Variants in DSCAML1 observed in about 807,000 individuals in gnomAD.
The protein encoded by DSCAML1 is DS cell adhesion molecule like 1.
DSCAML1 carries 38 observed loss-of-function variants against 200.5 expected under a neutral mutation model. That is an observed-to-expected ratio of 0.19 (90% CI 0.15 to 0.25). The LOEUF is 0.25. Among genes scored for constraint, DSCAML1 ranks in the 10% least tolerant of loss-of-function variants. The pLI is 1.00. For synonymous variants in DSCAML1, 1,215 were observed against 1,165.0 expected, an observed-to-expected ratio of 1.04 and a Z score of -0.87; for missense variants, 2,223 against 2,858.8, an observed-to-expected ratio of 0.78 and a Z score of 5.07.
Position 117,521,333 on chromosome 11 carries a change from G to A in DSCAML1, c.1010C>T (p.Ala337Val), listed in dbSNP as rs758308762. The part of the protein sequence containing the change: ...GIGSTVILSC[A>V]LTGSPEFTIR... ...GGTGAACTCTGGGGAGCCCGTCAGG[G>A]CACAGGAGAGGATGACCGTGCTGCC... The change falls in exon 6 of 33, where the codon GCC (alanine) becomes GTC (valine). Residue 337 changes from alanine to valine, a missense_variant. Coordinates refer to ENST00000651296, the MANE Select transcript of DSCAML1 (RefSeq NM_020693.4). 1 of 1,614,200 alleles carries A rather than the reference G, an allele frequency of 6.2e-7. No homozygotes were observed. Among genetic ancestry groups the A allele is most frequent in the Non-Finnish European group, 8.5e-7 (1 of 1,180,046 alleles).
chr11:117,809,765 CA>C lies in DSCAML1; in HGVS notation c.-250+7624del, dbSNP rs200629483. On this transcript the variant is annotated intron_variant, in intron 1 of 2. Transcript: ENST00000525836. ...GCTCCAGATGCTAGGTCCACCCACG[CA>C]ACCCTCCTGGGTTGCTCTGCTCCTC... is the stretch of plus-strand genomic sequence containing the variant. 5.1e-3 allele frequency among the ~76,000 whole-genome samples: 771 copies of C among 152,284 alleles called. 5 individuals carry two copies. The highest frequency in any genetic ancestry group is 0.017 in the African/African-American group (720 of 41,542).
At chr11:117,724,528 A>G (rs1294462876) in intron 3 of DSCAML1, among the ~76,000 whole-genome samples, 1 of 152,188 alleles carries the variant, frequency 6.6e-6, no homozygotes, top group African/African-American at 2.4e-5. Context: ...CTCTTTATTC[A>G]TTAAAATGCT....
At chr11:117,482,775 A>C (rs1447584161) in intron 11 of DSCAML1, among the ~76,000 whole-genome samples, 4 of 152,182 alleles carry the variant, frequency 2.6e-5, no homozygotes, top group African/African-American at 2.4e-5. Flanking sequence ...TTAGTGAAAA[A>C]ATGTGATTTT....
In DSCAML1 at chr11:117,792,405, G is replaced by A. The variant is rs144614954; in HGVS notation, c.46+4629C>T. ...CTGGGAGGGGCCACTCAGCTCTCCT[G>A]AAGTGCTCACTCCTCAAGCATCACT... On this transcript the variant is annotated intron_variant, in intron 1 of 32. Coordinates refer to ENST00000651296, the MANE Select transcript of DSCAML1 (RefSeq NM_020693.4). Among the ~76,000 whole-genome samples the A allele has an allele frequency of 2.7e-4, 41 of 152,176 alleles. No individual in the cohort carries two copies. The East Asian group carries it at 6.2e-3, about 23-fold the overall frequency.
chr11:117,594,111 C>T (rs1272589564), intron 3 of DSCAML1, among the ~76,000 whole-genome samples: 1 of 152,088 alleles, frequency 6.6e-6, no homozygotes, highest in Non-Finnish European at 1.5e-5. Flanking sequence ...TCAGTCTTGA[C>T]AAAGGACAGA....
rs1437844652 is a variant in DSCAML1, at chr11:117,530,682, C to A, written c.658+1694G>T. 3.9e-5 allele frequency among the ~76,000 whole-genome samples: 6 copies of A among 152,234 alleles called. No individual in the cohort carries two copies. In the East Asian group the frequency reaches 1.2e-3, roughly 29 times the overall value. ...TCTCCTGGCCTTGCCCCACATGTGA[C>A]AGACAAGTGGAAGTGGTCCTGGAGA... is the stretch of plus-strand genomic sequence containing the variant. On this transcript the variant is annotated intron_variant, in intron 4 of 32. Transcript: ENST00000651296.
chr11:117,449,431 G>C (rs1037769429), intron 20 of DSCAML1, among the ~76,000 whole-genome samples: 1 of 152,162 alleles, frequency 6.6e-6, no homozygotes, highest in Non-Finnish European at 1.5e-5. Flanking sequence ...CTGGCGGGGA[G>C]CTGGGCCACC....
intron 20 of DSCAML1, among the ~76,000 whole-genome samples, chr11:117,446,926 C>T (rs1217793383): frequency 6.6e-6 from 1 of 152,122 alleles, no homozygotes; most frequent in Non-Finnish European, 1.5e-5. Context: ...GTGAAAATTT[C>T]AAAGACACAT....
intron 19 of DSCAML1, among the ~76,000 whole-genome samples, chr11:117,451,072 G>A (rs925190820): frequency 2.6e-5 from 4 of 152,126 alleles, no homozygotes; most frequent in African/African-American, 4.8e-5. Context: ...GAAAATACCC[G>A]GCACCTGTCA....
At chr11:117,652,473 G>A (rs1262317563) in intron 3 of DSCAML1, among the ~76,000 whole-genome samples, 1 of 152,178 alleles carries the variant, frequency 6.6e-6, no homozygotes, top group African/African-American at 2.4e-5. Flanking sequence ...CTCCCCATCT[G>A]GGACTGCAGA....
chr11:117,626,083 A>G (rs1347182622), intron 3 of DSCAML1, among the ~76,000 whole-genome samples: 3 of 152,262 alleles, frequency 2.0e-5, no homozygotes, highest in South Asian at 4.1e-4. Flanking sequence ...ACATTGCCCC[A>G]TTATCTGGAG....
At chr11:117,769,042 A>G (rs1485675679) in intron 3 of DSCAML1, among the ~76,000 whole-genome samples, 1 of 128,450 alleles carries the variant, frequency 7.8e-6, no homozygotes, top group Non-Finnish European at 1.6e-5. Context: ...CCTGGGTGAC[A>G]GAGCAAGATT....
At chr11:117,629,521 T>G (rs144166056) in intron 3 of DSCAML1, among the ~76,000 whole-genome samples, 335 of 146,992 alleles carry the variant, frequency 2.3e-3, no homozygotes, top group African/African-American at 7.9e-3. Context: ...CTGGACAGAC[T>G]GGGCAGGGGT....
At chr11:117,784,600 G>T (rs1480036176) in intron 1 of DSCAML1, among the ~76,000 whole-genome samples, 1 of 152,152 alleles carries the variant, frequency 6.6e-6, no homozygotes, top group Non-Finnish European at 1.5e-5. Flanking sequence ...TACAGCAGGG[G>T]TTTCCCCACC....
chr11:117,467,362 A>C (rs2048604560), intron 16 of DSCAML1, among the ~76,000 whole-genome samples: 1 of 152,244 alleles, frequency 6.6e-6, no homozygotes, highest in South Asian at 2.1e-4. Flanking sequence ...GCCCATCTAT[A>C]AATTGAGACA....
rs1410505039 is a variant in DSCAML1 at position 117,780,306 on chromosome 11, G to GAAAGAAAGAAAGAA, written c.364+186_364+187insTTCTTTCTTTCTTT. The stretch of plus-strand genomic sequence containing the variant: ...AAAGAAAGAAAGAAAGAAAGAAAGA[G>GAAAGAAAGAAAGAA]AGAAAGGAGAAAGAAAGGTGTCTCT... On this transcript the variant is annotated intron_variant, in intron 2 of 32. Transcript: ENST00000651296. The surrounding 1 kb of genome is among the most constrained non-coding windows in gnomAD (Gnocchi z 4.8). Among the ~76,000 whole-genome samples the GAAAGAAAGAAAGAA allele has an allele frequency of 3.0e-5, 3 of 99,200 alleles. No individual in the cohort carries two copies. Among genetic ancestry groups the GAAAGAAAGAAAGAA allele is most frequent in the African/African-American group, 1.2e-4 (3 of 25,878 alleles). The allele number at this position is 99,200 out of a possible 152,430, so 65.1% of individuals were successfully genotyped here.
At chr11:117,429,628 C>G (rs1455803183) in intron 32 of DSCAML1, among the ~76,000 whole-genome samples, 1 of 152,224 alleles carries the variant, frequency 6.6e-6, no homozygotes, top group Non-Finnish European at 1.5e-5. Flanking sequence ...CCTGCCTTGG[C>G]CTCCCAAAGT....
intron 3 of DSCAML1, among the ~76,000 whole-genome samples, chr11:117,648,248 T>C (rs2052561698): frequency 6.6e-6 from 1 of 152,166 alleles, no homozygotes; most frequent in East Asian, 1.9e-4. Flanking sequence ...GTGAATTACT[T>C]CCACTCTGGA....
intron 3 of DSCAML1, among the ~76,000 whole-genome samples, chr11:117,717,283 C>A (rs546896108): frequency 4.1e-4 from 63 of 152,262 alleles, no homozygotes; most frequent in Non-Finnish European, 7.9e-4. Context: ...ACTGCCCTGC[C>A]CCCCTCAAGT....
Sources: allele counts gnomAD v4.1 joint callset (sites outside exome capture counted in the v4.1 genomes callset), GRCh38; gene constraint gnomAD v4.1.1; non-coding constraint Gnocchi (gnomAD v3.1); transcripts MANE v1.5; gene names NCBI Gene and HGNC (gene_info 2026-07-23, HGNC 2026-07-21).